The following PRPF8 variants were observed in gnomAD, a reference collection of about 807,000 sequenced individuals.
The protein encoded by PRPF8 is pre-mRNA processing factor 8, also known as pre-mRNA-processing-splicing factor 8.
A neutral mutation model predicts 285.9 loss-of-function variants in PRPF8; 64 were observed. That is an observed-to-expected ratio of 0.22 (90% CI 0.18 to 0.28). PRPF8 has a LOEUF of 0.28. PRPF8 is among the 10% of genes least tolerant of loss of function. The pLI, the probability that PRPF8 is intolerant of heterozygous loss-of-function variation, is 1.00. For synonymous variants in PRPF8, 1,325 were observed against 1,118.2 expected (o/e 1.18, Z -3.69); for missense variants, 1,426 against 3,026.7 (o/e 0.47, Z 12.41).
At chr17:1,680,488 T>C (rs901609323) in intron 8 of PRPF8, 12 of 597,204 alleles carry the variant, frequency 2.0e-5, no homozygotes, top group Non-Finnish European at 3.0e-5. Context: ...CGGGACAGAT[T>C]ATCTAGAGCA....
chr17:1,660,295 C>T (rs570170680), intron 30 of PRPF8, 137 bp downstream of exon 30: 52 of 1,507,486 alleles, frequency 3.4e-5, no homozygotes, highest in East Asian at 3.4e-4. Context: ...CCTCTCCCCA[C>T]GATTCCACCT....
At position 1,675,344 on chromosome 17, in the gene PRPF8, GGA is replaced by G; in HGVS notation, c.2873-7_2873-6del. 2.5e-6 allele frequency: 4 copies of G among 1,614,066 alleles called. No homozygotes were observed. Among genetic ancestry groups the G allele is most frequent in the Non-Finnish European group, 3.4e-6 (4 of 1,180,006 alleles). On this transcript the variant is annotated splice_polypyrimidine_tract_variant and splice_region_variant and intron_variant, in intron 19 of 42. Coordinates refer to ENST00000304992, the MANE Select transcript of PRPF8 (RefSeq NM_006445.4). The surrounding 1 kb of genome is among the most constrained non-coding windows in gnomAD (Gnocchi z 6.0). ...CGTCCTGCAGGTTATTGATGCCTGAGGAGTAGCAAGGCAGGTCTCCAGCAGGT... is the reference window on the plus strand; with the variant it reads ...CGTCCTGCAGGTTATTGATGCCTGAGGTAGCAAGGCAGGTCTCCAGCAGGT...
intron 37 of PRPF8, chr17:1,654,958 C>CTTTTT: frequency 1.9e-5 from 3 of 158,948 alleles, no homozygotes; most frequent in Admixed American, 6.7e-5. Context: ...TGAGAAACGT[C>CTTTTT]TTTTTTTTTT....
chr17:1,650,787 G>T lies in PRPF8; in HGVS notation c.*15C>A. ...CTTCGGCCTCGGGAGGCTGAAGCAGGAGGCAGGGAAACGGTCAGGCATACA... is the reference window on the plus strand; with the variant it reads ...CTTCGGCCTCGGGAGGCTGAAGCAGTAGGCAGGGAAACGGTCAGGCATACA... On this transcript the variant is annotated 3_prime_UTR_variant, in exon 43 of 43. Transcript: ENST00000304992. 1 of 1,613,632 alleles carries T rather than the reference G, an allele frequency of 6.2e-7. No individual in the cohort carries two copies. Among genetic ancestry groups the T allele is most frequent in the Non-Finnish European group, 8.5e-7 (1 of 1,179,914 alleles).
At position 1,681,516 on chromosome 17, in the gene PRPF8, G is replaced by T. The variant is rs748583778; in HGVS notation, c.828C>A (p.Gly276=). The change falls in exon 6 of 43, where the codon GGC becomes GGA. Residue 276 remains glycine, a synonymous_variant. Transcript: ENST00000304992. The stretch of plus-strand genomic sequence containing the variant: ...CTCGAACAAGAGGTTCAAATTTGGG[G>T]CCTCCAGGAATGGCCATATTGAGTG... ...SKALNMAIPG[G]PKFEPLVRDI... is the part of the protein sequence containing the mutation. 2 of 1,611,482 alleles carry T rather than the reference G, an allele frequency of 1.2e-6. No homozygotes were observed. Among genetic ancestry groups the T allele is most frequent in the Non-Finnish European group, 1.7e-6 (2 of 1,177,654 alleles).
chr17:1,676,915 A>G lies in PRPF8; in HGVS notation c.2181+61T>C. 3 of 1,588,090 alleles carry G rather than the reference A, an allele frequency of 1.9e-6. No homozygotes were observed. The Admixed American group carries it at 5.0e-5, about 26-fold the overall frequency. The stretch of plus-strand genomic sequence containing the variant: ...CAGATAGCCCCCTAATGATTCCCGA[A>G]GTGGTAATCCTACCCTAAAGACGGA... On this transcript the variant is annotated intron_variant, in intron 15 of 42. Transcript: ENST00000304992. This position sits in a 1 kb window ranked among gnomAD's most constrained non-coding sequence, Gnocchi z 6.3.
intron 39 of PRPF8, chr17:1,652,692 T>G (rs1180057082): frequency 6.7e-6 from 1 of 149,484 alleles, no homozygotes; most frequent in Non-Finnish European, 1.5e-5. Flanking sequence ...ATTACAGGTG[T>G]ATGCCACCAT....
At position 1,661,473 on chromosome 17, in the gene PRPF8, G is replaced by A. The variant is rs1448580922; in HGVS notation, c.4203-67C>T. 60 of 1,611,982 alleles carry A rather than the reference G, an allele frequency of 3.7e-5. No homozygotes were observed. The highest frequency in any genetic ancestry group is 5.1e-5 in the Non-Finnish European group (60 of 1,179,284). On this transcript the variant is annotated intron_variant, in intron 26 of 42. Coordinates refer to ENST00000304992, the MANE Select transcript of PRPF8 (RefSeq NM_006445.4). This position sits in a 1 kb window ranked among gnomAD's most constrained non-coding sequence, Gnocchi z 7.3. Reference sequence around the variant, plus strand: ...ATGAGGAGCTCAGCACTCCTTCCTGGCCAAAAATAATTAGGGTCAGTAGAA... The same window carrying A: ...ATGAGGAGCTCAGCACTCCTTCCTGACCAAAAATAATTAGGGTCAGTAGAA...
chr17:1,650,708 G>A lies in PRPF8; in HGVS notation c.*94C>T, dbSNP rs1194273463. The A allele has an allele frequency of 1.4e-6, 2 of 1,445,832 alleles. No individual in the cohort carries two copies. Among genetic ancestry groups the A allele is most frequent in the Non-Finnish European group, 1.9e-6 (2 of 1,029,306 alleles). The allele number at this position is 1,445,832 out of a possible 1,614,324, so 89.6% of individuals were successfully genotyped here. On this transcript the variant is annotated 3_prime_UTR_variant, in exon 43 of 43. Transcript: ENST00000304992. ...GAGGTCAACAACACAAGCACAGACA[G>A]AGGGAAAGAGGCCAAACTGCTGAAT...
Position 1,651,609 on chromosome 17 carries a change from A to G in PRPF8, c.6510+39T>C. 1.2e-6 allele frequency: 2 copies of G among 1,614,082 alleles called. No homozygotes were observed. Among genetic ancestry groups the G allele is most frequent in the Non-Finnish European group, 1.7e-6 (2 of 1,180,006 alleles). On this transcript the variant is annotated intron_variant, in intron 40 of 42. Transcript: ENST00000304992. This position sits in a 1 kb window ranked among gnomAD's most constrained non-coding sequence, Gnocchi z 5.1. ...CCCATCCACAGACAGGAATCGCACC[A>G]GCTTTTCCACACTCCCAGGCTCCAT...
chr17:1,672,414 C>A (rs1036413935), intron 24 of PRPF8, among the ~76,000 whole-genome samples: 2 of 152,056 alleles, frequency 1.3e-5, no homozygotes. Flanking sequence ...CAAGTAGCTG[C>A]GATTACAGGC....
At chr17:1,666,989 A>G (rs1415517741) in intron 24 of PRPF8, among the ~76,000 whole-genome samples, 1 of 152,148 alleles carries the variant, frequency 6.6e-6, no homozygotes, top group Non-Finnish European at 1.5e-5. Flanking sequence ...CCTGACCAAC[A>G]TGGTGAAACC....
chr17:1,676,202 C>T lies in PRPF8; in HGVS notation c.2552+5G>A. Reference sequence around the variant, plus strand: ...CAGCAGGAACCTATCTACCCTACTACTCACCTATAAGCTTCCTTGAGCCGC... The same window carrying T: ...CAGCAGGAACCTATCTACCCTACTATTCACCTATAAGCTTCCTTGAGCCGC... On this transcript the variant is annotated splice_donor_5th_base_variant and intron_variant, in intron 17 of 42. Coordinates refer to ENST00000304992, the MANE Select transcript of PRPF8 (RefSeq NM_006445.4). The surrounding 1 kb of genome is among the most constrained non-coding windows in gnomAD (Gnocchi z 6.3). 1.9e-6 allele frequency: 3 copies of T among 1,613,524 alleles called. No individual in the cohort carries two copies. The highest frequency in any genetic ancestry group is 2.5e-6 in the Non-Finnish European group (3 of 1,180,018).
At chr17:1,663,519 C>G (rs1911785704) in intron 24 of PRPF8, among the ~76,000 whole-genome samples, 1 of 52,468 alleles carries the variant, frequency 1.9e-5, no homozygotes, top group Non-Finnish European at 3.4e-5. Context: ...CCAGCCTGGA[C>G]AGCATGGTGA....
chr17:1,664,234 T>C (rs1303016184), intron 24 of PRPF8, among the ~76,000 whole-genome samples: 2 of 152,172 alleles, frequency 1.3e-5, no homozygotes, highest in East Asian at 1.9e-4. Context: ...GGTTTCGCTA[T>C]GTTGCCCAGG....
At position 1,651,905 on chromosome 17, in the gene PRPF8, G is replaced by C. The variant is rs189150527; in HGVS notation, c.6370-117C>G. 1.5e-6 allele frequency: 2 copies of C among 1,296,494 alleles called. No individual in the cohort carries two copies. The highest frequency in any genetic ancestry group is 2.3e-5 in the East Asian group (1 of 43,368). The allele number at this position is 1,296,494 out of a possible 1,614,324, so 80.3% of individuals were successfully genotyped here. On this transcript the variant is annotated intron_variant, in intron 39 of 42. Coordinates refer to ENST00000304992, the MANE Select transcript of PRPF8 (RefSeq NM_006445.4). The surrounding 1 kb of genome is among the most constrained non-coding windows in gnomAD (Gnocchi z 5.1). ...ACGAGGACAGAGTTTCTTAAAACGT[G>C]ATCAGAACCCCCTGTATCAGAATCA...
chr17:1,661,257 C>T lies in PRPF8; in HGVS notation c.4338+14G>A, dbSNP rs760827374. ...ATTTTCCTGACTCAGGGAAAATCTG[C>T]TCCCTCTACATACCTGATACTGCTT... On this transcript the variant is annotated intron_variant, in intron 27 of 42. Coordinates refer to ENST00000304992, the MANE Select transcript of PRPF8 (RefSeq NM_006445.4). This position sits in a 1 kb window ranked among gnomAD's most constrained non-coding sequence, Gnocchi z 7.3. 5.6e-6 allele frequency: 9 copies of T among 1,614,040 alleles called. No individual in the cohort carries two copies. The African/African-American group carries it at 1.1e-4, about 19-fold the overall frequency.
intron 39 of PRPF8, chr17:1,652,916 G>A (rs1472462691): frequency 1.2e-5 from 2 of 167,802 alleles, no homozygotes; most frequent in Non-Finnish European, 2.6e-5. Flanking sequence ...CTGAGTAGCT[G>A]GGACTACAGC....
chr17:1,657,131 T>C (rs545460075), intron 34 of PRPF8, among the ~76,000 whole-genome samples: 1 of 152,010 alleles, frequency 6.6e-6, no homozygotes, highest in East Asian at 1.9e-4. Flanking sequence ...GAAAGAAAAA[T>C]ACAAGCAAAA....
Sources: gnomAD v4.1 joint callset for allele counts (sites outside exome capture counted in the v4.1 genomes callset) on GRCh38, gnomAD v4.1.1 for gene constraint, Gnocchi (gnomAD v3.1) non-coding constraint, MANE v1.5 for transcripts, NCBI Gene and HGNC (gene_info 2026-07-23, HGNC 2026-07-21) for gene names.